Variants in ATP4A observed in about 807,000 individuals in gnomAD.
ATP4A encodes the protein potassium-transporting ATPase alpha chain 1.
In ATP4A, 73 loss-of-function variants were observed where a neutral mutation model predicts 112.1. That is an observed-to-expected ratio of 0.65 (90% CI 0.54 to 0.79). ATP4A has a LOEUF of 0.79. ATP4A is among the 30% of genes least tolerant of loss of function. The pLI is 0.00. For missense variants in ATP4A, 1,081 were observed against 1,425.9 expected (o/e 0.76, Z 3.90); for synonymous variants, 588 against 588.9 (o/e 1.00, Z 0.02).
rs752999139 is a variant in ATP4A at position 35,563,235 on chromosome 19, G to C, written c.190C>G (p.Gln64Glu). The change falls in exon 3 of 22, where the codon CAG (glutamine) becomes GAG (glutamate). Residue 64 changes from glutamine to glutamate, a missense_variant. Transcript: ENST00000262623. ...TTGGTGGCACTGGTCTGGTATTTCT[G>C]TTCCAGCTCCGCCACTGACAGCTGG... Reference protein sequence around the residue: ...DHQLSVAELEQKYQTSATKGL... With the variant: ...DHQLSVAELEEKYQTSATKGL... 1 of 1,613,800 alleles carries C rather than the reference G, an allele frequency of 6.2e-7. No individual in the cohort carries two copies. The highest frequency in any genetic ancestry group is 8.5e-7 in the Non-Finnish European group (1 of 1,179,976).
chr19:35,561,283 C>A (rs2071669361), intron 4 of ATP4A, among the ~76,000 whole-genome samples: 1 of 152,046 alleles, frequency 6.6e-6, no homozygotes, highest in Non-Finnish European at 1.5e-5. Context: ...CCTTGCATTC[C>A]CCATGTCCAC....
chr19:35,554,655 C>G (rs779839176), intron 16 of ATP4A, among the ~76,000 whole-genome samples: 43 of 152,158 alleles, frequency 2.8e-4, no homozygotes, highest in South Asian at 2.1e-4. Flanking sequence ...CCATCTCTGT[C>G]TGAGTATCTG....
In ATP4A at chr19:35,555,338, C is replaced by A; in HGVS notation, c.2158-4G>T. ...CCGTGACGGCCACAATCGCACCCTG[C>A]AGGCAGTGGGTGCAGGTGGTGGGTG... On this transcript the variant is annotated splice_polypyrimidine_tract_variant and splice_region_variant and intron_variant, in intron 14 of 21. Transcript: ENST00000262623. This position sits in a 1 kb window ranked among gnomAD's most constrained non-coding sequence, Gnocchi z 6.6. 6.2e-7 allele frequency: 1 copy of A among 1,611,882 alleles called. No individual in the cohort carries two copies. The highest frequency in any genetic ancestry group is 1.1e-5 in the South Asian group (1 of 90,756).
In ATP4A at chr19:35,550,373, T is replaced by A. The variant is rs1414283231; in HGVS notation, c.*242A>T. On this transcript the variant is annotated 3_prime_UTR_variant, in exon 22 of 22. Transcript: ENST00000262623. This position sits in a 1 kb window ranked among gnomAD's most constrained non-coding sequence, Gnocchi z 4.1. ...CCACCGCCACCACAGGTGGCGGCTT[T>A]CCCGAGGCCAGCCCAGAGGACTGCC... is the stretch of plus-strand genomic sequence containing the variant. 4 of 569,400 alleles carry A rather than the reference T, an allele frequency of 7.0e-6. No individual in the cohort carries two copies. The East Asian group carries it at 1.2e-4, about 17-fold the overall frequency. The allele number at this position is 569,400 out of a possible 1,614,324, so 35.3% of individuals were successfully genotyped here.
rs138666606 is a variant in ATP4A at position 35,559,976 on chromosome 19, G to A, written c.885C>T (p.Ile295=). ...ASGVENEKTP[I]AIEIEHFVDI... ...CCACAAAATGCTCGATCTCGATAGC[G>A]ATGGGTGTCTTCTCGTTTTCCACCC... The change falls in exon 7 of 22, where the codon ATC becomes ATT. Residue 295 remains isoleucine, a synonymous_variant. Transcript: ENST00000262623. The surrounding 1 kb of genome is among the most constrained non-coding windows in gnomAD (Gnocchi z 4.1). 10 of 1,614,110 alleles carry A rather than the reference G, an allele frequency of 6.2e-6. No individual in the cohort carries two copies. The highest frequency in any genetic ancestry group is 4.4e-5 in the South Asian group (4 of 91,088).
chr19:35,558,631 G>C lies in ATP4A; in HGVS notation c.1311C>G (p.Thr437=), dbSNP rs112507306. The C allele has an allele frequency of 6.2e-7, 1 of 1,600,304 alleles. No individual in the cohort carries two copies. The highest frequency in any genetic ancestry group is 8.5e-7 in the Non-Finnish European group (1 of 1,175,528). Residue 437 remains threonine, a synonymous_variant, in exon 9 of 22, where the codon ACC becomes ACG. Transcript: ENST00000262623. This position sits in a 1 kb window ranked among gnomAD's most constrained non-coding sequence, Gnocchi z 5.1. ...ETWRALCRVL[T]LCNRAAFKSG... ...ACTTGAAGGCGGCGCGGTTGCACAG[G>C]GTGAGCACCCGGCACAGCGCCCGCC...
At chr19:35,553,903 C>T (rs1400107562) in intron 16 of ATP4A, 74 bp from the exon 17 acceptor site, 4 of 1,511,976 alleles carry the variant, frequency 2.6e-6, no homozygotes, top group Non-Finnish European at 2.7e-6. Context: ...GGTCCCCCTT[C>T]CCCCACTTGT....
In ATP4A at chr19:35,557,953, T is replaced by C; in HGVS notation, c.1501-106A>G. The C allele has an allele frequency of 1.1e-6, 1 of 929,216 alleles. No homozygotes were observed. The highest frequency in any genetic ancestry group is 2.8e-5 in the East Asian group (1 of 35,608). The allele number at this position is 929,216 out of a possible 1,614,324, so 57.6% of individuals were successfully genotyped here. ...GAGAGGGGCGGGGCCGAGAGCTCGG[T>C]GCGGGCTCTGAGAGCTGCGGGGAAG... On this transcript the variant is annotated intron_variant, in intron 10 of 21. Transcript: ENST00000262623. The surrounding 1 kb of genome is among the most constrained non-coding windows in gnomAD (Gnocchi z 4.4).
rs2071601494 is a variant in ATP4A at position 35,551,457 on chromosome 19, C to T, written c.2875G>A (p.Gly959Ser). The T allele has an allele frequency of 6.2e-7, 1 of 1,613,982 alleles. No individual in the cohort carries two copies. The highest frequency in any genetic ancestry group is 1.3e-5 in the African/African-American group (1 of 74,908). ...GCCAGCCAGGGACACCTGAAGAAGCCTTGCTGGAAGGCAGAGAGACGGCGC... is the reference window on the plus strand; with the variant it reads ...GCCAGCCAGGGACACCTGAAGAAGCTTTGCTGGAAGGCAGAGAGACGGCGC... ...KTRRLSAFQQGFFRNKILVIA... is the reference protein window; with the variant it reads ...KTRRLSAFQQSFFRNKILVIA... Residue 959 changes from glycine (G) to serine (S), a missense_variant, in exon 19 of 22, where the codon GGC becomes AGC. By Grantham distance (56) the Gly-to-Ser change is moderately conservative. Around this residue, in one of 3 missense-constraint regions of ATP4A, gnomAD observed 219 missense variants for 320.9 expected, o/e 0.68. Transcript: ENST00000262623. This position sits in a 1 kb window ranked among gnomAD's most constrained non-coding sequence, Gnocchi z 5.2.
At position 35,559,256 on chromosome 19, in the gene ATP4A, C is replaced by T. The variant is rs1021188689; in HGVS notation, c.1057-65G>A. The T allele has an allele frequency of 1.3e-6, 2 of 1,546,046 alleles. No homozygotes were observed. Among genetic ancestry groups the T allele is most frequent in the Non-Finnish European group, 1.8e-6 (2 of 1,126,084 alleles). On this transcript the variant is annotated intron_variant, in intron 7 of 21. Coordinates refer to ENST00000262623, the MANE Select transcript of ATP4A (RefSeq NM_000704.3). The surrounding 1 kb of genome is among the most constrained non-coding windows in gnomAD (Gnocchi z 4.1). ...TGGCTTCCAGTCCTCTTCCCCGCGT[C>T]AAAGAACGGGGAAGGCTTTACCCCA...
In ATP4A at chr19:35,553,190, G is replaced by C. The variant is rs1319645721; in HGVS notation, c.2606-8C>G. ...CAAAGGACTGAATGGCACCTGGAGA[G>C]AGACAAGGGGACACAGGGAGACAGA... On this transcript the variant is annotated splice_polypyrimidine_tract_variant and splice_region_variant and intron_variant, in intron 17 of 21. Coordinates refer to ENST00000262623, the MANE Select transcript of ATP4A (RefSeq NM_000704.3). The C allele has an allele frequency of 1.3e-6, 2 of 1,588,910 alleles. No homozygotes were observed. The highest frequency in any genetic ancestry group is 1.7e-6 in the Non-Finnish European group (2 of 1,160,440).
chr19:35,555,583 G>A lies in ATP4A; in HGVS notation c.2014C>T (p.Arg672Cys), dbSNP rs561359329. ...TGCATGCCATTGATCACACAGGCAC[G>A]GGCATCCCTGGGGAGGAGATGGGAG... ...PVDQVNRKDA[R>C]ACVINGMQLK... Residue 672 changes from arginine to cysteine, a missense_variant, in exon 14 of 22, where the codon CGT (arginine) becomes TGT (cysteine). Around this residue, in one of 3 missense-constraint regions of ATP4A, gnomAD observed 850 missense variants for 1,068.2 expected, o/e 0.80. Coordinates refer to ENST00000262623, the MANE Select transcript of ATP4A (RefSeq NM_000704.3). This position sits in a 1 kb window ranked among gnomAD's most constrained non-coding sequence, Gnocchi z 6.6. 69 of 1,579,304 alleles carry A rather than the reference G, an allele frequency of 4.4e-5. No individual in the cohort carries two copies. The South Asian group carries it at 5.6e-4, about 13-fold the overall frequency.
rs200826444 is a variant in ATP4A at position 35,553,094 on chromosome 19, C to G, written c.2694G>C (p.Arg898=). The G allele has an allele frequency of 3.0e-4, 476 of 1,611,734 alleles. No individual in the cohort carries two copies. In the East Asian group the frequency reaches 0.01, roughly 34 times the overall value. ...GTAGGTGGTGGTCCTCCCACTGCGC[C>G]CGCAGCCCCACGCACAGCAGTGGGA... ...GWFPLLCVGL[R]AQWEDHHLQD... is the part of the protein sequence containing the mutation. The change falls in exon 18 of 22, where the codon CGG becomes CGC. Residue 898 remains arginine (R), a synonymous_variant. Transcript: ENST00000262623.
rs1599576360 is a variant in ATP4A at position 35,563,432 on chromosome 19, A to C, written c.108T>G (p.Gly36=). The change falls in exon 2 of 22, where the codon GGT becomes GGG. Residue 36 remains glycine, a synonymous_variant. Transcript: ENST00000262623. ...TCTCCAGCTTCTCCTTCCTCTTGCCACCCCCGCCACCCGCCTTCTTCTTCT... is the reference window on the plus strand; with the variant it reads ...TCTCCAGCTTCTCCTTCCTCTTGCCCCCCCCGCCACCCGCCTTCTTCTTCT... ...MSKKKKAGGG[G]GKRKEKLENM... 6.4e-7 allele frequency: 1 copy of C among 1,569,992 alleles called. No individual in the cohort carries two copies. The highest frequency in any genetic ancestry group is 1.8e-5 in the Admixed American group (1 of 57,056).
chr19:35,559,211 C>T lies in ATP4A; in HGVS notation c.1057-20G>A. 1 of 1,612,644 alleles carries T rather than the reference C, an allele frequency of 6.2e-7. No homozygotes were observed. The highest frequency in any genetic ancestry group is 8.5e-7 in the Non-Finnish European group (1 of 1,179,690). On this transcript the variant is annotated intron_variant, in intron 7 of 21. Coordinates refer to ENST00000262623, the MANE Select transcript of ATP4A (RefSeq NM_000704.3). The surrounding 1 kb of genome is among the most constrained non-coding windows in gnomAD (Gnocchi z 4.1). ...GCAGACCTGGGGAAGGGGTGAGCAC[C>T]GCAGGCTGGGGACCCACCCTGGCTT...
intron 16 of ATP4A, among the ~76,000 whole-genome samples, chr19:35,554,076 C>G (rs2071617042): frequency 6.6e-6 from 1 of 152,230 alleles, no homozygotes; most frequent in Non-Finnish European, 1.5e-5. Context: ...CCCTCCCTCT[C>G]TTTCTCTGTT....
In ATP4A at chr19:35,551,550, T is replaced by C; in HGVS notation, c.2782A>G (p.Thr928Ala). ...CTGATGAAGAACACGGTGTAGCAGG[T>C]GTACTGCTGGTACAGGCGCTGCCCG... ...TFGQRLYQQY[T>A]CYTVFFISIE... Residue 928 changes from threonine (T) to alanine (A), a missense_variant, in exon 19 of 22, where the codon ACC (threonine) becomes GCC (alanine). Physicochemically the swap from Thr to Ala is moderately conservative, Grantham distance 58. Coordinates refer to ENST00000262623, the MANE Select transcript of ATP4A (RefSeq NM_000704.3). The surrounding 1 kb of genome is among the most constrained non-coding windows in gnomAD (Gnocchi z 5.2). The C allele has an allele frequency of 6.2e-7, 1 of 1,613,702 alleles. No individual in the cohort carries two copies. The highest frequency in any genetic ancestry group is 8.5e-7 in the Non-Finnish European group (1 of 1,179,836).
Position 35,563,497 on chromosome 19 carries a change from C to G in ATP4A, c.43G>C (p.Gly15Arg). 6.2e-7 allele frequency: 1 copy of G among 1,614,110 alleles called. No individual in the cohort carries two copies. The highest frequency in any genetic ancestry group is 8.5e-7 in the Non-Finnish European group (1 of 1,180,026). Residue 15 changes from glycine (G) to arginine (R), a missense_variant, in exon 2 of 22, where the codon GGT (glycine) becomes CGT (arginine). Physicochemically the swap from Gly to Arg is moderately radical, Grantham distance 125. This residue lies in a region of ATP4A where 850 missense variants were observed against 1,068.2 expected (regional missense o/e 0.80). Coordinates refer to ENST00000262623, the MANE Select transcript of ATP4A (RefSeq NM_000704.3). The part of the protein sequence containing the change: ...ENYELYSVEL[G>R]PGPGGDMAAK... ...GCCATGTCCCCGCCAGGGCCAGGAC[C>G]CAGCTCCACCGAGTAGAGCTCATAG...
In ATP4A at chr19:35,558,269, A is replaced by G; in HGVS notation, c.1500+93T>C. 1 of 1,450,876 alleles carries G rather than the reference A, an allele frequency of 6.9e-7. No homozygotes were observed. The highest frequency in any genetic ancestry group is 9.2e-7 in the Non-Finnish European group (1 of 1,084,190). The allele number at this position is 1,450,876 out of a possible 1,614,324, so 89.9% of individuals were successfully genotyped here. The stretch of plus-strand genomic sequence containing the variant: ...TTGGCTGCGGAGAGAAGGGGCAAGG[A>G]GCGAAGCCCCTCGTGGCCCGCTGAT... On this transcript the variant is annotated intron_variant, in intron 10 of 21. Coordinates refer to ENST00000262623, the MANE Select transcript of ATP4A (RefSeq NM_000704.3). This position sits in a 1 kb window ranked among gnomAD's most constrained non-coding sequence, Gnocchi z 5.1.
Sources: gnomAD v4.1 joint callset for allele counts (sites outside exome capture counted in the v4.1 genomes callset) on GRCh38, gnomAD v4.1.1 for gene constraint, gnomAD v4.1.1 regional missense constraint, Gnocchi (gnomAD v3.1) non-coding constraint, MANE v1.5 for transcripts, NCBI Gene and HGNC (gene_info 2026-07-23, HGNC 2026-07-21) for gene names.